THOC2: variants seen among roughly 807,000 people sequenced by gnomAD.
THOC2 encodes the protein THO complex 2.
A neutral mutation model predicts 128.4 loss-of-function variants in THOC2; 10 were observed. The ratio of observed to expected loss-of-function variants is 0.08; its 90% confidence interval spans 0.05 to 0.13. The LOEUF is 0.13. Among genes scored for constraint, THOC2 ranks in the 10% least tolerant of loss-of-function variants. The pLI is 1.00. For synonymous variants in THOC2, 393 were observed against 396.9 expected, an observed-to-expected ratio of 0.99 and a Z score of 0.12; for missense variants, 535 against 1,155.7, an observed-to-expected ratio of 0.46 and a Z score of 7.79.
intron 1 of THOC2, among the ~76,000 whole-genome samples, chrX:123,713,607 G>GGGAGGCCAAGACAGGCAGATAGCT (rs1404174270): frequency 2.7e-5 from 3 of 111,443 alleles, no homozygotes; most frequent in Non-Finnish European, 5.6e-5. Flanking sequence ...CCAGCACTTT[G>GGGAGGCCAAGACAGGCAGATAGCT]GGAGGCCAAG....
intron 17 of THOC2, 75 bp downstream of exon 17, chrX:123,638,859 T>C (rs1035732205): frequency 5.3e-5 from 34 of 646,798 alleles, no homozygotes; most frequent in African/African-American, 1.2e-4. Flanking sequence ...TAAAGGAAAA[T>C]AGAATGAAAA....
At chrX:123,652,321 TATC>T (rs2048393916) in intron 12 of THOC2, among the ~76,000 whole-genome samples, 1 of 111,671 alleles carries the variant, frequency 9.0e-6, no homozygotes, top group Non-Finnish European at 1.9e-5. Context: ...CCACAGCCAA[TATC>T]ATACTGAGTG....
At chrX:123,692,702 A>G (rs1300796971) in intron 7 of THOC2, among the ~76,000 whole-genome samples, 2 of 110,305 alleles carry the variant, frequency 1.8e-5, no homozygotes, top group South Asian at 3.9e-4. Context: ...GGGTTTTACC[A>G]TGTTGGCCAG....
intron 10 of THOC2, among the ~76,000 whole-genome samples, 192 bp from the exon 11 acceptor site, chrX:123,667,470 G>A (rs1900222563): frequency 2.7e-5 from 3 of 111,688 alleles, no homozygotes; most frequent in African/African-American, 3.3e-5. Context: ...CAGGCGCAGC[G>A]GCTCACACCT....
chrX:123,619,107 T>A (rs187315081), intron 33 of THOC2, among the ~76,000 whole-genome samples: 1 of 112,274 alleles, frequency 8.9e-6, no homozygotes, highest in Non-Finnish European at 1.9e-5. Flanking sequence ...GTTAAACTTA[T>A]TTCCAGATTT....
At chrX:123,628,745 C>A (rs1356414671) in intron 22 of THOC2, among the ~76,000 whole-genome samples, 1 of 107,515 alleles carries the variant, frequency 9.3e-6, no homozygotes, top group Non-Finnish European at 1.9e-5. Context: ...AAAGCTGGAT[C>A]AACACTAAGA....
Position 123,701,441 on chromosome X carries a change from A to T in THOC2, c.274+2013T>A, listed in dbSNP as rs375833250. On this transcript the variant is annotated intron_variant, in intron 4 of 38. Transcript: ENST00000245838. ...CATGAATTCATGTTACTCGTACAAG[A>T]CAATGACTTGTAACAATAATTCATA... Among the ~76,000 whole-genome samples, 27 of 112,160 alleles carry T rather than the reference A, an allele frequency of 2.4e-4. No homozygotes were observed. In the East Asian group the frequency reaches 5.6e-3, roughly 23 times the overall value.
At chrX:123,636,305 A>G in intron 18 of THOC2, 130 bp from the exon 19 acceptor site, 2 of 467,039 alleles carry the variant, frequency 4.3e-6, no homozygotes, top group Non-Finnish European at 7.2e-6. Context: ...GGAGCTTCAT[A>G]ATAATAACAA....
intron 7 of THOC2, among the ~76,000 whole-genome samples, chrX:123,694,191 A>C (rs1050137119): frequency 3.6e-5 from 4 of 111,453 alleles, no homozygotes; most frequent in East Asian, 2.8e-4. Flanking sequence ...CAGAATTTTT[A>C]TGTGGGGAAT....
rs1436726268 is a variant in THOC2 at position 123,713,304 on chromosome X, C to T, written c.72-396G>A. Among the ~76,000 whole-genome samples the T allele has an allele frequency of 3.6e-5, 4 of 110,004 alleles. No homozygotes were observed. In the Admixed American group the frequency reaches 3.9e-4, roughly 11 times the overall value. Reference sequence around the variant, plus strand: ...CTTGGGCAACACAATGAAACCCCGTCTTTACTAAAATACAAAAGAAATTAG... The same window carrying T: ...CTTGGGCAACACAATGAAACCCCGTTTTTACTAAAATACAAAAGAAATTAG... On this transcript the variant is annotated intron_variant, in intron 1 of 38. Coordinates refer to ENST00000245838, the MANE Select transcript of THOC2 (RefSeq NM_001081550.2).
At chrX:123,618,402 A>G (rs2046970744) in intron 33 of THOC2, among the ~76,000 whole-genome samples, 1 of 112,258 alleles carries the variant, frequency 8.9e-6, no homozygotes, top group South Asian at 3.7e-4. Flanking sequence ...ACTGGCTAAT[A>G]TAAACTTAAA....
chrX:123,702,478 T>C (rs762603599), intron 4 of THOC2, among the ~76,000 whole-genome samples: 1 of 105,121 alleles, frequency 9.5e-6, no homozygotes, highest in East Asian at 2.9e-4. Flanking sequence ...TCTCTACCAA[T>C]ATATATATAC....
At chrX:123,727,528 G>C (rs930921000) in intron 1 of THOC2, among the ~76,000 whole-genome samples, 4 of 112,300 alleles carry the variant, frequency 3.6e-5, no homozygotes, top group African/African-American at 1.3e-4. Flanking sequence ...CAAATTTTCT[G>C]TCTCAGTCCA....
intron 8 of THOC2, among the ~76,000 whole-genome samples, chrX:123,679,130 G>A (rs750786327): frequency 5.4e-5 from 6 of 110,625 alleles, no homozygotes; most frequent in East Asian, 5.7e-4. Context: ...AAAAAATCTC[G>A]AACCCACTTC....
chrX:123,654,758 CAAAAA>C (rs149260708), intron 12 of THOC2, among the ~76,000 whole-genome samples: 8 of 24,369 alleles, frequency 3.3e-4, no homozygotes, highest in South Asian at 8.0e-3. Context: ...GACTCCGTCT[CAAAAA>C]AAAAAAAAAA....
chrX:123,695,905 C>A, intron 7 of THOC2, 116 bp downstream of exon 7: 1 of 476,785 alleles, frequency 2.1e-6, no homozygotes, highest in Non-Finnish European at 3.4e-6. Flanking sequence ...CTCTCCCATT[C>A]CTTAACTGAA....
intron 38 of THOC2, among the ~76,000 whole-genome samples, chrX:123,605,969 G>A (rs1414670818): frequency 9.0e-6 from 1 of 111,342 alleles, no homozygotes; most frequent in Admixed American, 9.6e-5. Context: ...CTAAAGGGGG[G>A]CAGCACCTAG....
rs2046261108 is a variant in THOC2 at position 123,601,280 on chromosome X, C to A, written c.*77G>T. The A allele has an allele frequency of 9.0e-6, 1 of 111,454 alleles. No homozygotes were observed. The highest frequency in any genetic ancestry group is 9.6e-5 in the Admixed American group (1 of 10,433). The allele number at this position is 111,454 out of a possible 1,213,427, so 9.2% of individuals were successfully genotyped here. A position where few individuals can be genotyped will look rare whatever the true frequency, so the allele number is the denominator to read the frequency against. On this transcript the variant is annotated 3_prime_UTR_variant, in exon 39 of 39. Coordinates refer to ENST00000245838, the MANE Select transcript of THOC2 (RefSeq NM_001081550.2). ...GGCCCTCTTCATTCTTAATTCTCGG[C>A]AATTTACTCAGGAAAATAAATTTCT...
Position 123,627,099 on chromosome X carries a change from A to T in THOC2, c.2758-437T>A, listed in dbSNP as rs143153857. Among the ~76,000 whole-genome samples, 821 of 112,353 alleles carry T rather than the reference A, an allele frequency of 7.3e-3. 6 individuals carry two copies. The highest frequency in any genetic ancestry group is 0.025 in the African/African-American group (764 of 30,965). Reference sequence around the variant, plus strand: ...ATCTTTTTTAAGTACCATTTTTTACATTACTATCCTGCTCAGGAATCTAAA... The same window carrying T: ...ATCTTTTTTAAGTACCATTTTTTACTTTACTATCCTGCTCAGGAATCTAAA... On this transcript the variant is annotated intron_variant, in intron 23 of 38. Coordinates refer to ENST00000245838, the MANE Select transcript of THOC2 (RefSeq NM_001081550.2).
Sources: gnomAD v4.1 joint callset for allele counts (sites outside exome capture counted in the v4.1 genomes callset) on GRCh38, gnomAD v4.1.1 for gene constraint, MANE v1.5 for transcripts, NCBI Gene and HGNC (gene_info 2026-07-23, HGNC 2026-07-21) for gene names.